Variants in SLC39A11 observed in about 807,000 individuals in gnomAD.
SLC39A11 encodes the protein solute carrier family 39 member 11.
In SLC39A11, 33 loss-of-function variants were observed where a neutral mutation model predicts 36.1. That is an observed-to-expected ratio of 0.91 (90% confidence interval 0.69 to 1.22). The LOEUF (loss-of-function observed/expected upper bound fraction) is 1.22. Among genes scored for constraint, SLC39A11 ranks in the 50% most tolerant of loss-of-function variants. The pLI is 0.00. For missense variants in SLC39A11, 432 were observed against 430.3 expected (o/e 1.00, Z -0.03); for synonymous variants, 166 against 170.3 (o/e 0.97, Z 0.20).
At chr17:72,721,316 C>T (rs1359660961) in intron 7 of SLC39A11, among the ~76,000 whole-genome samples, 5 of 152,044 alleles carry the variant, frequency 3.3e-5, no homozygotes, top group East Asian at 3.9e-4. Flanking sequence ...AGTCTGGTCT[C>T]GATCTCCTGA....
chr17:72,936,834 T>C (rs2084802030), intron 5 of SLC39A11, among the ~76,000 whole-genome samples: 1 of 152,100 alleles, frequency 6.6e-6, no homozygotes, highest in Non-Finnish European at 1.5e-5. Flanking sequence ...GCGACCTAGA[T>C]CCCTCACGTG....
At chr17:72,755,343 G>A (rs1404738830) in intron 6 of SLC39A11, among the ~76,000 whole-genome samples, 1 of 152,258 alleles carries the variant, frequency 6.6e-6, no homozygotes, top group African/African-American at 2.4e-5. Context: ...TATAGCAATG[G>A]AGGGACTGGG....
At chr17:72,801,830 A>G (rs72843301) in intron 6 of SLC39A11, among the ~76,000 whole-genome samples, 10,406 of 152,288 alleles carry the variant, frequency 0.068, 367 homozygotes, top group African/African-American at 0.082. Context: ...GTACATAAAA[A>G]CTGGTAGATT....
chr17:72,656,903 G>A (rs1414727276), intron 7 of SLC39A11, among the ~76,000 whole-genome samples: 1 of 152,128 alleles, frequency 6.6e-6, no homozygotes, highest in East Asian at 1.9e-4. Flanking sequence ...CGGCACTTTG[G>A]GAGGCTGAGG....
At chr17:72,989,560 G>A (rs1031456698) in intron 4 of SLC39A11, among the ~76,000 whole-genome samples, 1 of 152,106 alleles carries the variant, frequency 6.6e-6, no homozygotes, top group Non-Finnish European at 1.5e-5. Flanking sequence ...AATTTTTAAA[G>A]GGCATCTACC....
chr17:72,906,536 C>G (rs762410120), intron 5 of SLC39A11, among the ~76,000 whole-genome samples: 4 of 152,212 alleles, frequency 2.6e-5, no homozygotes, highest in South Asian at 2.1e-4. Flanking sequence ...GACCCAGCAC[C>G]TGGAATGATG....
intron 5 of SLC39A11, among the ~76,000 whole-genome samples, chr17:72,901,242 C>T (rs1022799589): frequency 1.3e-5 from 2 of 152,192 alleles, no homozygotes; most frequent in East Asian, 1.9e-4. Context: ...AAGTGATGGA[C>T]GTCTCTACTC....
At chr17:72,726,293 G>A (rs1374005938) in intron 7 of SLC39A11, among the ~76,000 whole-genome samples, 1 of 152,048 alleles carries the variant, frequency 6.6e-6, no homozygotes, top group Non-Finnish European at 1.5e-5. Context: ...TGAGTTCTCC[G>A]AGACTCCTCC....
intron 7 of SLC39A11, among the ~76,000 whole-genome samples, chr17:72,729,850 G>A (rs2074142817): frequency 6.6e-6 from 1 of 152,026 alleles, no homozygotes; most frequent in Non-Finnish European, 1.5e-5. Context: ...GTCTGGCTTG[G>A]ATCAAGCCCT....
At chr17:72,993,295 T>C (rs1441259030) in intron 4 of SLC39A11, among the ~76,000 whole-genome samples, 1 of 152,214 alleles carries the variant, frequency 6.6e-6, no homozygotes, top group Non-Finnish European at 1.5e-5. Context: ...ACTAGAAAGT[T>C]AAAATGGGAG....
intron 3 of SLC39A11, among the ~76,000 whole-genome samples, chr17:73,081,861 G>A (rs1216876624): frequency 6.6e-6 from 1 of 151,040 alleles, no homozygotes; most frequent in Admixed American, 6.6e-5. Flanking sequence ...TCTATGTGAA[G>A]TAACTCAGGA....
intron 6 of SLC39A11, among the ~76,000 whole-genome samples, chr17:72,815,746 A>C (rs1459562958): frequency 6.6e-6 from 1 of 152,174 alleles, no homozygotes; most frequent in Non-Finnish European, 1.5e-5. Flanking sequence ...ACATGGCGAA[A>C]CCCTGCCTCT....
At chr17:72,952,970 G>A (rs921040794) in intron 4 of SLC39A11, among the ~76,000 whole-genome samples, 3 of 152,092 alleles carry the variant, frequency 2.0e-5, no homozygotes, top group South Asian at 2.1e-4. Context: ...AAATGTCAAG[G>A]TGTCAAATAC....
At chr17:72,910,043 C>T (rs1157496173) in intron 5 of SLC39A11, among the ~76,000 whole-genome samples, 3 of 152,130 alleles carry the variant, frequency 2.0e-5, no homozygotes, top group Admixed American at 6.5e-5. Context: ...TGAGCCACCG[C>T]ACCCGGCCTC....
intron 7 of SLC39A11, among the ~76,000 whole-genome samples, chr17:72,723,633 G>A (rs968244690): frequency 6.6e-6 from 1 of 152,100 alleles, no homozygotes; most frequent in Non-Finnish European, 1.5e-5. Context: ...TTTACTTTTC[G>A]AATGACTTCC....
intron 5 of SLC39A11, among the ~76,000 whole-genome samples, chr17:72,855,094 T>C (rs1380456509): frequency 6.6e-6 from 1 of 152,182 alleles, no homozygotes; most frequent in East Asian, 1.9e-4. Flanking sequence ...CCCCAAACCA[T>C]TTTGGATCAG....
At chr17:72,807,472 C>A (rs1347098770) in intron 6 of SLC39A11, among the ~76,000 whole-genome samples, 2 of 152,008 alleles carry the variant, frequency 1.3e-5, no homozygotes, top group Non-Finnish European at 2.9e-5. Context: ...TGAGGTAGGC[C>A]CCTAGATAGT....
chr17:73,083,044 T>C (rs578244443), intron 3 of SLC39A11, among the ~76,000 whole-genome samples: 1 of 146,740 alleles, frequency 6.8e-6, no homozygotes, highest in Non-Finnish European at 1.5e-5. Context: ...AATGGACTTA[T>C]GCCCAGTGAT....
chr17:72,758,260 A>C (rs2713972), intron 6 of SLC39A11, among the ~76,000 whole-genome samples: 11,273 of 152,260 alleles, frequency 0.074, 736 homozygotes, highest in East Asian at 0.33. Flanking sequence ...TAATGATTAT[A>C]AGAAAGGTCT....
Sources: allele counts gnomAD v4.1 joint callset (sites outside exome capture counted in the v4.1 genomes callset), GRCh38; gene constraint gnomAD v4.1.1; transcripts MANE v1.5; gene names NCBI Gene and HGNC (gene_info 2026-07-23, HGNC 2026-07-21).